SLC9A1: variants seen among roughly 807,000 people sequenced by gnomAD.
SLC9A1 encodes solute carrier family 9 member A1.
In SLC9A1, 22 loss-of-function variants were observed where a neutral mutation model predicts 67.9. The ratio of observed to expected loss-of-function variants is 0.32; its 90% CI spans 0.23 to 0.46. The LOEUF is 0.46. Ranked by LOEUF, SLC9A1 falls within the 20% of genes least tolerant of loss-of-function variation. The pLI is 1.00. For synonymous variants in SLC9A1, 421 were observed against 471.8 expected, an observed-to-expected ratio of 0.89 and a Z score of 1.40; for missense variants, 686 against 1,094.8, an observed-to-expected ratio of 0.63 and a Z score of 5.27.
Position 27,100,387 on chromosome 1 carries a change from T to G in SLC9A1, c.2368A>C (p.Arg790=). 6.3e-7 allele frequency: 1 copy of G among 1,595,668 alleles called. No individual in the cohort carries two copies. Among genetic ancestry groups the G allele is most frequent in the Non-Finnish European group, 8.5e-7 (1 of 1,170,428 alleles). ...GGGTCACTGAGGCAGCGCTGTATCCTCTGGGAGCTGGGGCTGTCACTGGGC... is the reference window on the plus strand; with the variant it reads ...GGGTCACTGAGGCAGCGCTGTATCCGCTGGGAGCTGGGGCTGTCACTGGGC... ...PAPSDSPSSQ[R]IQRCLSDPGP... The change falls in exon 12 of 12, where the codon AGG becomes CGG. Residue 790 remains arginine, a synonymous_variant. Coordinates refer to ENST00000263980, the MANE Select transcript of SLC9A1 (RefSeq NM_003047.5). The surrounding 1 kb of genome is among the most constrained non-coding windows in gnomAD (Gnocchi z 5.6).
intron 1 of SLC9A1, among the ~76,000 whole-genome samples, chr1:27,131,947 A>AAAAAAAAAAAAATATAT: frequency 1.9e-5 from 1 of 52,124 alleles, no homozygotes; most frequent in African/African-American, 6.3e-5. Flanking sequence ...AGAAAAAAAA[A>AAAAAAAAAAAAATATAT]ATATATATAT....
chr1:27,102,871 C>T (rs1473366398), intron 6 of SLC9A1, 128 bp from the exon 7 acceptor site: 2 of 827,448 alleles, frequency 2.4e-6, no homozygotes, highest in Admixed American at 4.3e-5. Flanking sequence ...CCATGAGCAG[C>T]CAGGAGGTGG....
intron 1 of SLC9A1, among the ~76,000 whole-genome samples, chr1:27,151,600 C>T (rs1368506749): frequency 2.0e-5 from 3 of 152,038 alleles, no homozygotes; most frequent in Admixed American, 6.6e-5. Flanking sequence ...TGACTTCAGG[C>T]GATCCACCCT....
rs1423030845 is a variant in SLC9A1 at position 27,100,456 on chromosome 1, T to G, written c.2299A>C (p.Lys767Gln). 6.2e-7 allele frequency: 1 copy of G among 1,613,878 alleles called. No individual in the cohort carries two copies. Among genetic ancestry groups the G allele is most frequent in the Non-Finnish European group, 8.5e-7 (1 of 1,179,906 alleles). The change falls in exon 12 of 12, where the codon AAG (lysine) becomes CAG (glutamine). Residue 767 changes from lysine (K) to glutamine (Q), a missense_variant. By Grantham distance (53) the Lys-to-Gln change is moderately conservative. Coordinates refer to ENST00000263980, the MANE Select transcript of SLC9A1 (RefSeq NM_003047.5). This position sits in a 1 kb window ranked among gnomAD's most constrained non-coding sequence, Gnocchi z 5.6. ...DDDGGIMMRS[K>Q]ETSSPGTDDV... is the part of the protein sequence containing the mutation. Reference sequence around the variant, plus strand: ...TCGGTTCCTGGGGACGAAGTCTCCTTGCTCCGCATCATGATGCCCCCATCG... The same window carrying G: ...TCGGTTCCTGGGGACGAAGTCTCCTGGCTCCGCATCATGATGCCCCCATCG...
chr1:27,119,399 C>T (rs1294256821), intron 1 of SLC9A1, among the ~76,000 whole-genome samples: 1 of 152,180 alleles, frequency 6.6e-6, no homozygotes, highest in Non-Finnish European at 1.5e-5. Flanking sequence ...GCTCTGTCGC[C>T]CTACTTCCAG....
At chr1:27,122,664 C>A (rs2083312355) in intron 1 of SLC9A1, among the ~76,000 whole-genome samples, 1 of 152,214 alleles carries the variant, frequency 6.6e-6, no homozygotes. Context: ...CTCAAGGACC[C>A]ATTTCTGTAA....
intron 6 of SLC9A1, 130 bp downstream of exon 6, chr1:27,103,093 G>GGGCAGAGGGAGCCCCTGGGCACT (rs2083159500): frequency 6.7e-6 from 5 of 741,174 alleles, no homozygotes; most frequent in Non-Finnish European, 1.2e-5. Flanking sequence ...CGGCCTCCTG[G>GGGCAGAGGGAGCCCCTGGGCACT]GGCAGAGGGA....
rs370704524 is a variant in SLC9A1 at position 27,102,005 on chromosome 1, C to G, written c.1935+11G>C. On this transcript the variant is annotated intron_variant, in intron 9 of 11. Transcript: ENST00000263980. ...GTACCCTGGGGGTCGGGCTGGGGAGCAGGCCCTCACCCGCTGCCTGGTCTT... is the reference window on the plus strand; with the variant it reads ...GTACCCTGGGGGTCGGGCTGGGGAGGAGGCCCTCACCCGCTGCCTGGTCTT... 1 of 1,595,562 alleles carries G rather than the reference C, an allele frequency of 6.3e-7. No individual in the cohort carries two copies. Among genetic ancestry groups the G allele is most frequent in the Non-Finnish European group, 8.6e-7 (1 of 1,163,500 alleles).
chr1:27,142,180 C>T (rs2083456897), intron 1 of SLC9A1, among the ~76,000 whole-genome samples: 1 of 152,204 alleles, frequency 6.6e-6, no homozygotes, highest in Non-Finnish European at 1.5e-5. Flanking sequence ...AAGCCAAAAA[C>T]CACAGCCCCT....
At position 27,101,146 on chromosome 1, in the gene SLC9A1, C is replaced by T. The variant is rs1375797748; in HGVS notation, c.2110+57G>A. 5.1e-6 allele frequency: 7 copies of T among 1,363,482 alleles called. No individual in the cohort carries two copies. Among genetic ancestry groups the T allele is most frequent in the African/African-American group, 1.4e-5 (1 of 70,266 alleles). The allele number at this position is 1,363,482 out of a possible 1,614,324, so 84.5% of individuals were successfully genotyped here. ...GAGGACTGTTCCTGTGGAGCCCCATCCTCAGGAGGTGGCAGCTCAGAGTGC... is the reference window on the plus strand; with the variant it reads ...GAGGACTGTTCCTGTGGAGCCCCATTCTCAGGAGGTGGCAGCTCAGAGTGC... On this transcript the variant is annotated intron_variant, in intron 11 of 11. Coordinates refer to ENST00000263980, the MANE Select transcript of SLC9A1 (RefSeq NM_003047.5). This position sits in a 1 kb window ranked among gnomAD's most constrained non-coding sequence, Gnocchi z 4.9.
At chr1:27,107,189 TCC>T (rs2083192279) in intron 4 of SLC9A1, among the ~76,000 whole-genome samples, 2 of 1,580 alleles carry the variant, frequency 1.3e-3, no homozygotes, top group African/African-American at 2.7e-3. Flanking sequence ...TCACAGCCCC[TCC>T]ACACACACAC....
rs1185448188 is a variant in SLC9A1, at chr1:27,100,700, C to T, written c.2111-56G>A. ...TTCCGCTCTGGAGCCCGGCCCAGCA[C>T]GTGCCACTCGGCCGCGTCAGTGCCT... On this transcript the variant is annotated intron_variant, in intron 11 of 11. Transcript: ENST00000263980. This position sits in a 1 kb window ranked among gnomAD's most constrained non-coding sequence, Gnocchi z 5.6. The T allele has an allele frequency of 4.5e-5, 65 of 1,447,434 alleles. No individual in the cohort carries two copies. Among genetic ancestry groups the T allele is most frequent in the Middle Eastern group, 1.8e-4 (1 of 5,416 alleles). 89.7% of individuals were successfully genotyped at this position (1,447,434 alleles called of 1,614,324 possible).
chr1:27,115,047 G>A (rs1047566237), intron 1 of SLC9A1, among the ~76,000 whole-genome samples: 1 of 152,110 alleles, frequency 6.6e-6, no homozygotes, highest in African/African-American at 2.4e-5. Flanking sequence ...TTAAAGATGG[G>A]GCAACTAAGG....
In SLC9A1 at chr1:27,109,387, G is replaced by C. The variant is rs1361162561; in HGVS notation, c.1064+140C>G. The C allele has an allele frequency of 2.2e-6, 2 of 916,778 alleles. No homozygotes were observed. The highest frequency in any genetic ancestry group is 1.6e-5 in the African/African-American group (1 of 61,112). 56.8% of individuals were successfully genotyped at this position (916,778 alleles called of 1,614,324 possible). A position where few individuals can be genotyped will look rare whatever the true frequency, so the allele number is the denominator to read the frequency against. On this transcript the variant is annotated intron_variant, in intron 3 of 11. Transcript: ENST00000263980. This position sits in a 1 kb window ranked among gnomAD's most constrained non-coding sequence, Gnocchi z 5.5. ...ATTTAAATGGCTACCAAGCAGGTCT[G>C]GAGCCTGGAGTTCATGTCTCATCCC...
chr1:27,116,493 C>T (rs1285383035), intron 1 of SLC9A1, among the ~76,000 whole-genome samples: 1 of 152,222 alleles, frequency 6.6e-6, no homozygotes, highest in Non-Finnish European at 1.5e-5. Context: ...ATGTCTCCAT[C>T]CTAGGCCAAG....
intron 3 of SLC9A1, among the ~76,000 whole-genome samples, chr1:27,108,984 G>A (rs762792831): frequency 3.3e-5 from 5 of 152,126 alleles, no homozygotes; most frequent in Non-Finnish European, 5.9e-5. Context: ...GCTCCTGGGA[G>A]CCAGGGGCTC....
intron 5 of SLC9A1, among the ~76,000 whole-genome samples, chr1:27,104,224 G>A (rs971363580): frequency 6.6e-6 from 1 of 151,996 alleles, no homozygotes; most frequent in African/African-American, 2.4e-5. Flanking sequence ...TGGGATTACA[G>A]GCGGCTGCCA....
chr1:27,121,926 T>C (rs1269916853), intron 1 of SLC9A1, among the ~76,000 whole-genome samples: 1 of 152,024 alleles, frequency 6.6e-6, no homozygotes, highest in Non-Finnish European at 1.5e-5. Context: ...AGTTCGAGAT[T>C]AGCCTGGCCA....
intron 1 of SLC9A1, among the ~76,000 whole-genome samples, chr1:27,141,032 ACC>A (rs1350106657): frequency 6.6e-6 from 1 of 151,708 alleles, no homozygotes; most frequent in Non-Finnish European, 1.5e-5. Context: ...ACATGACAAA[ACC>A]CCATCTCTAC....
Sources: gnomAD v4.1 joint callset for allele counts (sites outside exome capture counted in the v4.1 genomes callset) on GRCh38, gnomAD v4.1.1 for gene constraint, Gnocchi (gnomAD v3.1) non-coding constraint, MANE v1.5 for transcripts, NCBI Gene and HGNC (gene_info 2026-07-23, HGNC 2026-07-21) for gene names.